The following SLC25A12 variants were observed in gnomAD, a reference collection of about 807,000 sequenced individuals.
SLC25A12 encodes the protein electrogenic aspartate/glutamate antiporter SLC25A12, mitochondrial.
In SLC25A12, 32 loss-of-function variants were observed where a neutral mutation model predicts 83.3. That is an observed-to-expected ratio of 0.38 (90% CI 0.29 to 0.52). The LOEUF (loss-of-function observed/expected upper bound fraction) is 0.52, where lower values mean the gene tolerates loss of function less well. Ranked by LOEUF, SLC25A12 falls within the 20% of genes least tolerant of loss-of-function variation. SLC25A12 has a pLI of 0.84. For missense variants in SLC25A12, 611 were observed against 835.6 expected, an observed-to-expected ratio of 0.73 and a Z score of 3.31; for synonymous variants, 267 against 291.1, an observed-to-expected ratio of 0.92 and a Z score of 0.84.
chr2:171,832,558 C>T (rs6759575), intron 8 of SLC25A12, among the ~76,000 whole-genome samples: 43,614 of 152,016 alleles, frequency 0.29, 6,542 homozygotes, highest in African/African-American at 0.37. Context: ...CAACATAGCT[C>T]CCAATAACCA....
At chr2:171,842,896 A>G (rs1684710028) in intron 5 of SLC25A12, among the ~76,000 whole-genome samples, 1 of 152,098 alleles carries the variant, frequency 6.6e-6, no homozygotes, top group Admixed American at 6.5e-5. Context: ...ATCTCAGCTC[A>G]CTGCAACCTC....
chr2:171,793,206 T>C (rs1181780712), intron 14 of SLC25A12, among the ~76,000 whole-genome samples: 8 of 151,936 alleles, frequency 5.3e-5, no homozygotes, highest in Non-Finnish European at 1.5e-5. Flanking sequence ...CAAACTCTAC[T>C]ACTGTTTTAC....
In SLC25A12 at chr2:171,843,552, G is replaced by A. The variant is rs546670442; in HGVS notation, c.465+817C>T. Among the ~76,000 whole-genome samples the A allele has an allele frequency of 2.0e-5, 3 of 152,154 alleles. No individual in the cohort carries two copies. In the East Asian group the frequency reaches 5.8e-4, roughly 30 times the overall value. ...AGTGGCTGAGACATGAGAATTGCTTGAACCAAGAGGTGGAGGTTACAGTGA... is the reference window on the plus strand; with the variant it reads ...AGTGGCTGAGACATGAGAATTGCTTAAACCAAGAGGTGGAGGTTACAGTGA... On this transcript the variant is annotated intron_variant, in intron 5 of 17. Transcript: ENST00000422440.
At chr2:171,878,986 A>G (rs1163159778) in intron 2 of SLC25A12, among the ~76,000 whole-genome samples, 1 of 152,214 alleles carries the variant, frequency 6.6e-6, no homozygotes, top group Non-Finnish European at 1.5e-5. Context: ...AAACCCTGTT[A>G]AACAGTACAA....
intron 6 of SLC25A12, 138 bp from the exon 7 acceptor site, chr2:171,835,003 G>A (rs1280489447): frequency 3.6e-5 from 32 of 901,038 alleles, no homozygotes; most frequent in Non-Finnish European, 5.2e-5. Context: ...ATAAATACAA[G>A]GAAAGTATCA....
chr2:171,801,126 T>TTA (rs1428203339), intron 13 of SLC25A12, among the ~76,000 whole-genome samples: 6 of 152,192 alleles, frequency 3.9e-5, no homozygotes, highest in African/African-American at 1.4e-4. Flanking sequence ...TATGTCATAT[T>TTA]CATACACTTA....
In SLC25A12 at chr2:171,793,823, G is replaced by A. The variant is rs143489581; in HGVS notation, c.1306-56C>T. On this transcript the variant is annotated intron_variant, in intron 13 of 17. Coordinates refer to ENST00000422440, the MANE Select transcript of SLC25A12 (RefSeq NM_003705.5). ...TCCACATCAGAGCCCGACTGGCAGC[G>A]TAAAAAAGGAAAATCCAGCAAAGCC... The A allele has an allele frequency of 9.4e-4, 1,512 of 1,604,112 alleles. 8 individuals carry two copies. The Middle Eastern group carries it at 0.016, about 17-fold the overall frequency.
intron 9 of SLC25A12, among the ~76,000 whole-genome samples, chr2:171,826,111 T>A (rs773180321): frequency 6.6e-6 from 1 of 152,128 alleles, no homozygotes; most frequent in Non-Finnish European, 1.5e-5. Flanking sequence ...TTGAGGGAAG[T>A]TTTTTAATTT....
intron 8 of SLC25A12, among the ~76,000 whole-genome samples, chr2:171,831,601 T>C (rs941359999): frequency 2.0e-5 from 3 of 152,128 alleles, no homozygotes; most frequent in Non-Finnish European, 2.9e-5. Context: ...GAAGTTGTGA[T>C]AGGGTTCATA....
rs191619450 is a variant in SLC25A12 at position 171,884,195 on chromosome 2, T to C, written c.66+9010A>G. On this transcript the variant is annotated intron_variant, in intron 2 of 17. Coordinates refer to ENST00000422440, the MANE Select transcript of SLC25A12 (RefSeq NM_003705.5). ...GTGCCCAGCCAATCTGTGGGCTTTT[T>C]TTTTTTTCCCCCCGAGACTGAGTCT... Among the ~76,000 whole-genome samples the C allele has an allele frequency of 7.8e-3, 1,167 of 150,188 alleles. 7 individuals carry two copies. The highest frequency in any genetic ancestry group is 0.013 in the Non-Finnish European group (858 of 67,436).
In SLC25A12 at chr2:171,869,637, C is replaced by A. The variant is rs554052322; in HGVS notation, c.67-814G>T. ...TTTTTTAAATAAAATAATAATAATACCTGTATCAAAGAAACTCATTAATTT... is the reference window on the plus strand; with the variant it reads ...TTTTTTAAATAAAATAATAATAATAACTGTATCAAAGAAACTCATTAATTT... On this transcript the variant is annotated intron_variant, in intron 2 of 17. Transcript: ENST00000422440. Among the ~76,000 whole-genome samples the A allele has an allele frequency of 9.5e-4, 144 of 152,098 alleles. 1 individual carries two copies. Among genetic ancestry groups the A allele is most frequent in the African/African-American group, 3.3e-3 (135 of 41,494 alleles).
chr2:171,804,097 TAATG>T (rs1243855966), intron 13 of SLC25A12, among the ~76,000 whole-genome samples: 2 of 152,182 alleles, frequency 1.3e-5, no homozygotes, highest in Admixed American at 6.5e-5. Flanking sequence ...GTTTATCAAC[TAATG>T]AATGAACAAA....
chr2:171,864,780 T>C (rs1161818450), intron 3 of SLC25A12, among the ~76,000 whole-genome samples: 1 of 152,214 alleles, frequency 6.6e-6, no homozygotes. Flanking sequence ...CATGCTTTCT[T>C]GGGTTCCCTC....
chr2:171,805,849 A>G (rs963018139), intron 13 of SLC25A12, among the ~76,000 whole-genome samples: 2 of 152,202 alleles, frequency 1.3e-5, no homozygotes, highest in Non-Finnish European at 2.9e-5. Flanking sequence ...GGTGACTCAC[A>G]CCTGTAATCC....
intron 9 of SLC25A12, among the ~76,000 whole-genome samples, chr2:171,821,262 C>T (rs1192045617): frequency 6.6e-6 from 1 of 151,886 alleles, no homozygotes; most frequent in Admixed American, 6.6e-5. Flanking sequence ...AGTGATCCAC[C>T]CACCTCAGCT....
intron 5 of SLC25A12, among the ~76,000 whole-genome samples, chr2:171,842,298 G>A (rs931086486): frequency 1.3e-5 from 2 of 151,350 alleles, no homozygotes; most frequent in African/African-American, 4.9e-5. Context: ...AGATGCAAAA[G>A]TTCATATTGT....
intron 9 of SLC25A12, among the ~76,000 whole-genome samples, chr2:171,823,943 C>CAAGTAAAAA (rs1684246174): frequency 7.0e-6 from 1 of 142,140 alleles, no homozygotes. Flanking sequence ...CCTGTCTCCA[C>CAAGTAAAAA]AAAAAAAAAA....
At chr2:171,873,130 G>C (rs984032033) in intron 2 of SLC25A12, among the ~76,000 whole-genome samples, 2 of 152,150 alleles carry the variant, frequency 1.3e-5, no homozygotes. Context: ...TTCGAACAGG[G>C]AGACTGGTAA....
At position 171,785,126 on chromosome 2, in the gene SLC25A12, A is replaced by C. The variant is rs1473772160; in HGVS notation, c.*148T>G. On this transcript the variant is annotated 3_prime_UTR_variant, in exon 18 of 18. Transcript: ENST00000422440. ...TTCCCTGGGCAAATGATTATTTTAT[A>C]AACAAGTATATGTATATGTCATACA... 1.4e-6 allele frequency: 1 copy of C among 714,072 alleles called. No homozygotes were observed. The highest frequency in any genetic ancestry group is 1.8e-5 in the African/African-American group (1 of 56,438). The allele number at this position is 714,072 out of a possible 1,614,324, so 44.2% of individuals were successfully genotyped here.
Sources: gnomAD v4.1 joint callset for allele counts (sites outside exome capture counted in the v4.1 genomes callset) on GRCh38, gnomAD v4.1.1 for gene constraint, MANE v1.5 for transcripts, NCBI Gene and HGNC (gene_info 2026-07-23, HGNC 2026-07-21) for gene names.